Variants in MSR1 observed in about 807,000 individuals in gnomAD.
The protein encoded by MSR1 is macrophage scavenger receptor types I and II.
In MSR1, 53 loss-of-function variants were observed where a neutral mutation model predicts 47.2. The ratio of observed to expected loss-of-function variants is 1.12; its 90% CI spans 0.90 to 1.41. The LOEUF is 1.41. MSR1 is among the 40% of genes most tolerant of loss of function. The pLI is 0.00. For missense variants in MSR1, 786 were observed against 546.9 expected, an observed-to-expected ratio of 1.44 and a Z score of -4.36; for synonymous variants, 239 against 185.6, an observed-to-expected ratio of 1.29 and a Z score of -2.34.
intron 5 of MSR1, among the ~76,000 whole-genome samples, chr8:16,163,040 A>T (rs1305272486): frequency 6.6e-6 from 1 of 152,058 alleles, no homozygotes; most frequent in Admixed American, 6.6e-5. Flanking sequence ...GTATTTTAGG[A>T]TGAATGTTAA....
At chr8:16,190,727 C>CTTT (rs1279894353) in intron 1 of MSR1, among the ~76,000 whole-genome samples, 4 of 146,734 alleles carry the variant, frequency 2.7e-5, no homozygotes, top group African/African-American at 7.8e-5. Context: ...TTCTTTCTTT[C>CTTT]TTTTTGTTTT....
At chr8:16,172,794 C>T (rs185052596) in intron 3 of MSR1, among the ~76,000 whole-genome samples, 2 of 152,000 alleles carry the variant, frequency 1.3e-5, no homozygotes, top group East Asian at 1.9e-4. Flanking sequence ...TGGAATAAAC[C>T]TTATAATTAA....
chr8:16,142,210 C>T (rs954236360), intron 8 of MSR1, among the ~76,000 whole-genome samples: 3 of 152,074 alleles, frequency 2.0e-5, no homozygotes, highest in African/African-American at 4.8e-5. Flanking sequence ...TGCCTGTAAT[C>T]CCAGCTACTC....
At chr8:16,176,164 T>G (rs1174768576) in intron 2 of MSR1, among the ~76,000 whole-genome samples, 1 of 152,216 alleles carries the variant, frequency 6.6e-6, no homozygotes, top group East Asian at 1.9e-4. Flanking sequence ...ACAAACTTTT[T>G]TATTTTAAGG....
intron 7 of MSR1, among the ~76,000 whole-genome samples, chr8:16,147,840 G>A (rs1042385399): frequency 2.6e-5 from 4 of 152,056 alleles, no homozygotes; most frequent in East Asian, 3.9e-4. Context: ...TTCTTTGTGC[G>A]TGATTACTCT....
chr8:16,189,156 G>A (rs138330021), intron 1 of MSR1, among the ~76,000 whole-genome samples: 5,572 of 137,918 alleles, frequency 0.04, 449 homozygotes, highest in East Asian at 0.36. Flanking sequence ...TCATATATAC[G>A]TAAAACCTTA....
At chr8:16,114,535 C>T (rs945495097) in intron 9 of MSR1, among the ~76,000 whole-genome samples, 11 of 152,136 alleles carry the variant, frequency 7.2e-5, no homozygotes, top group African/African-American at 2.4e-4. Context: ...AGACCACAGG[C>T]ACAATAGCTG....
At chr8:16,174,149 T>C (rs957859270) in intron 3 of MSR1, among the ~76,000 whole-genome samples, 9 of 152,206 alleles carry the variant, frequency 5.9e-5, no homozygotes, top group Non-Finnish European at 1.0e-4. Flanking sequence ...GGGTGTATTA[T>C]TGTTTTCATT....
At chr8:16,181,677 A>C (rs1244284967) in intron 1 of MSR1, among the ~76,000 whole-genome samples, 2 of 152,046 alleles carry the variant, frequency 1.3e-5, no homozygotes. Flanking sequence ...GAGGGATAGC[A>C]TTAAGAGAAA....
At chr8:16,186,344 G>T in intron 1 of MSR1, 1 of 677,884 alleles carries the variant, frequency 1.5e-6, no homozygotes, top group Non-Finnish European at 2.5e-6. Context: ...TAGCCTCATT[G>T]CTTTAAATAT....
chr8:16,186,213 G>C, intron 1 of MSR1: 1 of 1,535,090 alleles, frequency 6.5e-7, no homozygotes, highest in Non-Finnish European at 8.7e-7. Flanking sequence ...GCACATCCAG[G>C]GGAGTTTTAT....
At chr8:16,181,405 C>G (rs1334402010) in intron 1 of MSR1, among the ~76,000 whole-genome samples, 1 of 152,082 alleles carries the variant, frequency 6.6e-6, no homozygotes, top group Non-Finnish European at 1.5e-5. Flanking sequence ...AATCCAAATG[C>G]CCATCAATGA....
At chr8:16,188,787 T>C (rs1463363195) in intron 1 of MSR1, among the ~76,000 whole-genome samples, 2 of 151,882 alleles carry the variant, frequency 1.3e-5, no homozygotes, top group Admixed American at 1.3e-4. Context: ...CTCTGTTAGT[T>C]TGCTGAGAAT....
intron 9 of MSR1, among the ~76,000 whole-genome samples, chr8:16,112,943 GTTTTTTTT>G (rs71543671): frequency 1.5e-4 from 13 of 87,816 alleles, no homozygotes; most frequent in Non-Finnish European, 4.8e-5. Context: ...TTTTTTTTAA[GTTTTTTTT>G]TTTTTTTTTT....
intron 8 of MSR1, chr8:16,139,182 T>G: frequency 1.3e-6 from 1 of 759,032 alleles, no homozygotes; most frequent in Non-Finnish European, 1.6e-6. Flanking sequence ...ATCTCTCTTT[T>G]TGCCATGACA....
chr8:16,192,153 T>G (rs986077854), intron 1 of MSR1, among the ~76,000 whole-genome samples: 2 of 152,136 alleles, frequency 1.3e-5, no homozygotes, highest in Non-Finnish European at 2.9e-5. Flanking sequence ...CAGCCAATAT[T>G]TGCTATATAA....
In MSR1 at chr8:16,187,324, C is replaced by T. The variant is rs533877491; in HGVS notation, c.-5+5274G>A. Among the ~76,000 whole-genome samples the T allele has an allele frequency of 7.4e-5, 10 of 135,080 alleles. No homozygotes were observed. The Admixed American group carries it at 8.5e-4, about 11-fold the overall frequency. 88.6% of individuals were successfully genotyped at this position (135,080 alleles called of 152,430 possible). A position where few individuals can be genotyped will look rare whatever the true frequency, so the allele number is the denominator to read the frequency against. On this transcript the variant is annotated intron_variant, in intron 1 of 9. Coordinates refer to ENST00000262101, the MANE Select transcript of MSR1 (RefSeq NM_138715.3). ...GTAGCAGTGAGCCAAGATCAGGCCA[C>T]TGCACTCTAGCCTGGGCAACAAGAA...
At chr8:16,140,481 A>G (rs1410155171) in intron 8 of MSR1, 2 of 990,422 alleles carry the variant, frequency 2.0e-6, no homozygotes, top group African/African-American at 1.7e-5. Context: ...CTCATTGCGC[A>G]TGAGCAAAGC....
chr8:16,115,298 C>G (rs190157130), intron 9 of MSR1, among the ~76,000 whole-genome samples: 74 of 152,248 alleles, frequency 4.9e-4, no homozygotes, highest in African/African-American at 1.7e-3. Context: ...GCATGTTTCT[C>G]TTTTAGTTCT....
Sources: gnomAD v4.1 joint callset for allele counts (sites outside exome capture counted in the v4.1 genomes callset) on GRCh38, gnomAD v4.1.1 for gene constraint, MANE v1.5 for transcripts, NCBI Gene and HGNC (gene_info 2026-07-23, HGNC 2026-07-21) for gene names.